The following TNRC6B variants were observed in gnomAD, a reference collection of about 807,000 sequenced individuals.
TNRC6B encodes the protein trinucleotide repeat containing adaptor 6B.
TNRC6B carries 52 observed loss-of-function variants against 203.6 expected under a neutral mutation model. That is an observed-to-expected ratio of 0.26 (90% CI 0.20 to 0.32). TNRC6B has a LOEUF of 0.32. TNRC6B is among the 10% of genes least tolerant of loss of function. TNRC6B has a pLI of 1.00. For missense variants in TNRC6B, 1,923 were observed against 2,286.2 expected, an observed-to-expected ratio of 0.84 and a Z score of 3.24; for synonymous variants, 838 against 845.7, an observed-to-expected ratio of 0.99 and a Z score of 0.16.
Position 40,281,193 on chromosome 22 carries a change from C to T in TNRC6B, c.3486C>T (p.Pro1162=), listed in dbSNP as rs2070717589. Residue 1162 remains proline (P), a synonymous_variant, in exon 11 of 23, where the codon CCC becomes CCT. Transcript: ENST00000454349. ...EAPCSPFSPS[P]SYKLSPSGST... ...CCTGCTCTCCCTTCTCCCCTTCTCC[C>T]AGCTACAAGCTGTCTCCCTCTGGTT... 1 of 1,551,482 alleles carries T rather than the reference C, an allele frequency of 6.4e-7. No homozygotes were observed. The highest frequency in any genetic ancestry group is 8.7e-7 in the Non-Finnish European group (1 of 1,146,942).
At chr22:40,155,875 T>G (rs1332275141) in intron 3 of TNRC6B, among the ~76,000 whole-genome samples, 1 of 152,242 alleles carries the variant, frequency 6.6e-6, no homozygotes, top group African/African-American at 2.4e-5. Flanking sequence ...TCATCACCGT[T>G]CTTTTATATT....
intron 1 of TNRC6B, among the ~76,000 whole-genome samples, chr22:40,076,492 A>C (rs2068014721): frequency 6.6e-6 from 1 of 152,162 alleles, no homozygotes; most frequent in Admixed American, 6.5e-5. Context: ...TGGATATCAA[A>C]TTTTAGATAG....
chr22:40,079,999 G>A (rs1297889744), intron 1 of TNRC6B, among the ~76,000 whole-genome samples: 2 of 151,344 alleles, frequency 1.3e-5, no homozygotes, highest in Non-Finnish European at 2.9e-5. Context: ...GTTTCACTGT[G>A]TTAGCCAGGA....
At chr22:40,210,442 C>T (rs1210054722) in intron 1 of TNRC6B, among the ~76,000 whole-genome samples, 2 of 152,216 alleles carry the variant, frequency 1.3e-5, no homozygotes, top group Non-Finnish European at 2.9e-5. Context: ...TTGAAAGTAA[C>T]ATGGCTTGGA....
At chr22:40,138,856 TA>T (rs987074602) in intron 3 of TNRC6B, among the ~76,000 whole-genome samples, 2 of 151,814 alleles carry the variant, frequency 1.3e-5, no homozygotes, top group African/African-American at 4.8e-5. Flanking sequence ...TTCAAAGTAC[TA>T]AAAAAAAGTA....
rs1372350513 is a variant in TNRC6B at position 40,324,051 on chromosome 22, A to G, written c.*810A>G. The G allele has an allele frequency of 6.6e-6, 1 of 152,464 alleles. No homozygotes were observed. The highest frequency in any genetic ancestry group is 1.5e-5 in the Non-Finnish European group (1 of 68,028). 9.4% of individuals were successfully genotyped at this position (152,464 alleles called of 1,614,324 possible). ...CATCTGCTTTTTATTTTATTTTTTT[A>G]ACTATGAGAACACACAGGCCCGGAG... On this transcript the variant is annotated 3_prime_UTR_variant, in exon 23 of 23. Coordinates refer to ENST00000454349, the MANE Select transcript of TNRC6B (RefSeq NM_001162501.2).
chr22:40,098,384 CAAAAAAAAAAAAA>C (rs1056495905), intron 1 of TNRC6B, among the ~76,000 whole-genome samples: 4 of 51,496 alleles, frequency 7.8e-5, no homozygotes, highest in Admixed American at 4.9e-4. Flanking sequence ...GACTCCGTCT[CAAAAAAAAAAAAA>C]AAAAAAAAAA....
chr22:40,144,532 G>A (rs1385506881), intron 3 of TNRC6B, among the ~76,000 whole-genome samples: 5 of 152,020 alleles, frequency 3.3e-5, no homozygotes, highest in African/African-American at 9.7e-5. Context: ...AAAATTAGCC[G>A]GGCGTGGTGG....
chr22:40,105,724 T>C (rs1158853550), intron 1 of TNRC6B, among the ~76,000 whole-genome samples: 1 of 152,222 alleles, frequency 6.6e-6, no homozygotes, highest in African/African-American at 2.4e-5. Flanking sequence ...CTGGGGACTA[T>C]TATGGATAGT....
chr22:40,280,100 C>T lies in TNRC6B; in HGVS notation c.3368C>T (p.Ser1123Phe). The T allele has an allele frequency of 6.2e-7, 1 of 1,613,666 alleles. No homozygotes were observed. The highest frequency in any genetic ancestry group is 1.7e-4 in the Middle Eastern group (1 of 6,060). ...CGATCTGGGTTCCGTCCACCTAATT[C>T]CAAAGACATGGGAACCACAGATAGT... is the stretch of plus-strand genomic sequence containing the variant. The part of the protein sequence containing the change: ...KDRSGFRPPN[S>F]KDMGTTDSGP... The change falls in exon 10 of 23, where the codon TCC becomes TTC. Residue 1123 changes from serine (S) to phenylalanine (F), a missense_variant. By Grantham distance (155) the Ser-to-Phe change is radical. Around this residue, in one of 8 missense-constraint regions of TNRC6B, gnomAD observed 599 missense variants for 656.5 expected, o/e 0.91. Coordinates refer to ENST00000454349, the MANE Select transcript of TNRC6B (RefSeq NM_001162501.2).
intron 1 of TNRC6B, among the ~76,000 whole-genome samples, chr22:40,108,441 C>T (rs950331915): frequency 6.6e-6 from 1 of 152,346 alleles, no homozygotes; most frequent in Admixed American, 6.5e-5. Flanking sequence ...CCTTCTTGCC[C>T]AGCTCTTGCT....
At chr22:40,262,215 GAGAGAGCA>G in intron 4 of TNRC6B, 42 bp downstream of exon 4, 1 of 1,336,932 alleles carries the variant, frequency 7.5e-7, no homozygotes, top group East Asian at 2.6e-5. Context: ...GCTTGACAGA[GAGAGAGCA>G]CTTTGTTTGC....
intron 1 of TNRC6B, among the ~76,000 whole-genome samples, chr22:40,210,017 C>CAA (rs34603156): frequency 0.016 from 2,145 of 132,704 alleles, 36 homozygotes; most frequent in Middle Eastern, 0.037. Context: ...GACTCTGTCT[C>CAA]AAAAAAAAAA....
intron 4 of TNRC6B, among the ~76,000 whole-genome samples, chr22:40,262,778 G>T (rs531350728): frequency 6.6e-6 from 1 of 152,222 alleles, no homozygotes; most frequent in South Asian, 2.1e-4. Flanking sequence ...GGTGGCTCAC[G>T]CCTGTAATCC....
chr22:40,154,606 C>T (rs931792107), intron 3 of TNRC6B, among the ~76,000 whole-genome samples: 24 of 150,866 alleles, frequency 1.6e-4, no homozygotes, highest in African/African-American at 5.3e-4. Context: ...TTTGGGAGGC[C>T]GAGGCAGGTG....
chr22:40,136,024 C>T (rs902011870), intron 3 of TNRC6B, among the ~76,000 whole-genome samples: 1 of 152,020 alleles, frequency 6.6e-6, no homozygotes, highest in African/African-American at 2.4e-5. Flanking sequence ...GAGCAAGAAC[C>T]GTAGGTGAGG....
chr22:40,247,898 G>A (rs1044456068), intron 2 of TNRC6B, among the ~76,000 whole-genome samples: 6 of 151,946 alleles, frequency 3.9e-5, no homozygotes, highest in South Asian at 2.1e-4. Context: ...TGAAAACCCC[G>A]TCTCTACCAA....
intron 1 of TNRC6B, among the ~76,000 whole-genome samples, chr22:40,227,358 C>CTTTTTTTT (rs71199278): frequency 1.4e-5 from 1 of 70,954 alleles, no homozygotes; most frequent in Non-Finnish European, 2.7e-5. Flanking sequence ...CTGAAATTAC[C>CTTTTTTTT]TTTTTTTTTT....
chr22:40,305,860 C>T (rs925406965), intron 15 of TNRC6B, among the ~76,000 whole-genome samples: 13 of 152,004 alleles, frequency 8.6e-5, no homozygotes, highest in Admixed American at 3.9e-4. Flanking sequence ...CTCTTTCTTT[C>T]TCTCATTCAT....
Sources: allele counts gnomAD v4.1 joint callset (sites outside exome capture counted in the v4.1 genomes callset), GRCh38; gene constraint gnomAD v4.1.1; regional missense constraint gnomAD v4.1.1; transcripts MANE v1.5; gene names NCBI Gene and HGNC (gene_info 2026-07-23, HGNC 2026-07-21).